THSD7B: variants seen among roughly 807,000 people sequenced by gnomAD.
THSD7B encodes thrombospondin type 1 domain containing 7B.
Under a neutral mutation model 213.6 loss-of-function variants are expected in THSD7B, and 138 were observed. The ratio of observed to expected loss-of-function variants is 0.65; its 90% confidence interval spans 0.56 to 0.74. The LOEUF (loss-of-function observed/expected upper bound fraction) is 0.74. THSD7B is among the 30% of genes least tolerant of loss of function. THSD7B has a pLI of 0.00. For synonymous variants in THSD7B, 742 were observed against 687.0 expected, an observed-to-expected ratio of 1.08 and a Z score of -1.25; for missense variants, 1,931 against 1,991.5, an observed-to-expected ratio of 0.97 and a Z score of 0.58.
intron 12 of THSD7B, among the ~76,000 whole-genome samples, chr2:137,360,959 C>G (rs962014189): frequency 3.9e-5 from 6 of 152,102 alleles, no homozygotes; most frequent in Non-Finnish European, 5.9e-5. Flanking sequence ...CACTAGGGGC[C>G]GACTGATACC....
intron 1 of THSD7B, among the ~76,000 whole-genome samples, chr2:136,878,317 T>C (rs1179571602): frequency 1.3e-5 from 2 of 152,230 alleles, no homozygotes; most frequent in Admixed American, 6.5e-5. Flanking sequence ...CAGGCTATCA[T>C]TGATGGACAT....
intron 3 of THSD7B, among the ~76,000 whole-genome samples, chr2:137,072,899 A>G (rs1352989592): frequency 1.3e-5 from 2 of 152,178 alleles, no homozygotes; most frequent in Non-Finnish European, 2.9e-5. Context: ...TATATGCTGG[A>G]TAACATTTAT....
At chr2:137,646,101 A>G (rs1358688694) in intron 21 of THSD7B, among the ~76,000 whole-genome samples, 1 of 152,174 alleles carries the variant, frequency 6.6e-6, no homozygotes. Flanking sequence ...GATAAAACAA[A>G]TGTGGGAACG....
intron 2 of THSD7B, among the ~76,000 whole-genome samples, chr2:137,019,592 C>T (rs1465188884): frequency 6.6e-6 from 1 of 152,188 alleles, no homozygotes; most frequent in Non-Finnish European, 1.5e-5. Context: ...TATCCTTTGC[C>T]AGGCTCTTTC....
At chr2:137,451,069 CATT>C (rs1253245154) in intron 15 of THSD7B, 46 bp downstream of exon 15, 4 of 1,449,158 alleles carry the variant, frequency 2.8e-6, no homozygotes, top group Non-Finnish European at 3.6e-6. Flanking sequence ...AAGCTATCCT[CATT>C]ATTATTTCCC....
chr2:136,792,780 C>G (rs999889500), intron 1 of THSD7B, among the ~76,000 whole-genome samples: 1 of 152,026 alleles, frequency 6.6e-6, no homozygotes, highest in African/African-American at 2.4e-5. Context: ...TTTTTCCTGT[C>G]TCTGTATTCC....
intron 1 of THSD7B, among the ~76,000 whole-genome samples, chr2:136,875,122 T>C (rs1362651632): frequency 6.6e-6 from 1 of 152,184 alleles, no homozygotes; most frequent in African/African-American, 2.4e-5. Flanking sequence ...GACACACCTG[T>C]GTTCAAACTC....
intron 7 of THSD7B, among the ~76,000 whole-genome samples, chr2:137,180,174 G>A (rs1680428851): frequency 6.6e-6 from 1 of 152,122 alleles, no homozygotes; most frequent in Admixed American, 6.5e-5. Flanking sequence ...CAGGATAAAG[G>A]CATTACTGTG....
intron 14 of THSD7B, among the ~76,000 whole-genome samples, chr2:137,421,655 G>C (rs1686928787): frequency 6.6e-6 from 1 of 152,126 alleles, no homozygotes; most frequent in Non-Finnish European, 1.5e-5. Flanking sequence ...CATGAAGTCA[G>C]CATTCCTTCC....
chr2:136,833,103 C>T (rs573880472), intron 1 of THSD7B, among the ~76,000 whole-genome samples: 3 of 152,134 alleles, frequency 2.0e-5, no homozygotes, highest in South Asian at 2.1e-4. Context: ...TGGTGGCTCA[C>T]GTCTGTAATG....
At chr2:137,563,460 A>G in intron 16 of THSD7B, 106 bp downstream of exon 16, 2 of 1,392,770 alleles carry the variant, frequency 1.4e-6, no homozygotes, top group South Asian at 1.4e-5. Flanking sequence ...TTTTCATAAC[A>G]TATACTCTGG....
At chr2:136,855,623 T>G (rs1322722446) in intron 1 of THSD7B, among the ~76,000 whole-genome samples, 1 of 144,184 alleles carries the variant, frequency 6.9e-6, no homozygotes, top group Non-Finnish European at 1.6e-5. Flanking sequence ...ATTTATTTAT[T>G]TATTTATTTA....
intron 3 of THSD7B, among the ~76,000 whole-genome samples, chr2:137,074,038 G>A (rs1299180885): frequency 1.3e-5 from 2 of 152,022 alleles, no homozygotes; most frequent in East Asian, 3.9e-4. Context: ...GTGTAGTGTG[G>A]TGCTGAAAAG....
intron 20 of THSD7B, among the ~76,000 whole-genome samples, chr2:137,640,516 A>G (rs535651801): frequency 6.6e-6 from 1 of 152,226 alleles, no homozygotes; most frequent in Non-Finnish European, 1.5e-5. Flanking sequence ...CCAGCAGCAT[A>G]ATTAATGAAG....
At chr2:136,854,235 C>T (rs1683145815) in intron 1 of THSD7B, among the ~76,000 whole-genome samples, 1 of 152,106 alleles carries the variant, frequency 6.6e-6, no homozygotes, top group Non-Finnish European at 1.5e-5. Flanking sequence ...CTCACACACA[C>T]TTACATATGT....
chr2:137,423,336 C>T (rs1686969016), intron 14 of THSD7B, among the ~76,000 whole-genome samples: 1 of 151,980 alleles, frequency 6.6e-6, no homozygotes, highest in African/African-American at 2.4e-5. Context: ...TATTGAAAAT[C>T]CAGGAGTTAA....
chr2:137,161,327 G>T (rs1296167286), intron 6 of THSD7B, among the ~76,000 whole-genome samples: 1 of 152,086 alleles, frequency 6.6e-6, no homozygotes, highest in African/African-American at 2.4e-5. Flanking sequence ...TTTACCAAGA[G>T]AAATGAGATC....
At chr2:137,327,904 G>C (rs1356393028) in intron 12 of THSD7B, among the ~76,000 whole-genome samples, 3 of 152,100 alleles carry the variant, frequency 2.0e-5, no homozygotes, top group African/African-American at 7.2e-5. Flanking sequence ...TTTGTGAAAG[G>C]TATGCTGACA....
intron 5 of THSD7B, among the ~76,000 whole-genome samples, chr2:137,145,747 G>A (rs1679685074): frequency 6.6e-6 from 1 of 151,948 alleles, no homozygotes; most frequent in Non-Finnish European, 1.5e-5. Context: ...TTTTTCATAT[G>A]TTATTTAAAG....
Sources: gnomAD v4.1 joint callset for allele counts (sites outside exome capture counted in the v4.1 genomes callset) on GRCh38, gnomAD v4.1.1 for gene constraint, MANE v1.5 for transcripts, NCBI Gene and HGNC (gene_info 2026-07-23, HGNC 2026-07-21) for gene names.